Variants in CCNH observed in about 807,000 individuals in gnomAD.
CCNH encodes cyclin H, also known as cyclin-H.
In CCNH, 31 loss-of-function variants were observed where a neutral mutation model predicts 41.9. The ratio of observed to expected loss-of-function variants is 0.74; its 90% CI spans 0.56 to 1.00. CCNH has a LOEUF of 1.00. Among genes scored for constraint, CCNH ranks in the 50% least tolerant of loss-of-function variants. CCNH has a pLI of 0.00. For missense variants in CCNH, 362 were observed against 388.4 expected (o/e 0.93, Z 0.57); for synonymous variants, 138 against 136.1 (o/e 1.01, Z -0.10).
chr5:87,365,300 G>A (rs1760427684), intron 9 of CCNH, among the ~76,000 whole-genome samples: 1 of 152,070 alleles, frequency 6.6e-6, no homozygotes, highest in Non-Finnish European at 1.5e-5. Context: ...TGTATAAACT[G>A]TTCTAATTCA....
At chr5:87,353,639 G>T (rs1255265589) in intron 9 of CCNH, among the ~76,000 whole-genome samples, 1 of 152,090 alleles carries the variant, frequency 6.6e-6, no homozygotes, top group East Asian at 1.9e-4. Flanking sequence ...TTGTTTATTT[G>T]CCTGTAGTTT....
downstream of CCNH, chr5:87,374,145 A>T (rs779403478): frequency 1.5e-5 from 20 of 1,348,458 alleles, no homozygotes; most frequent in Admixed American, 5.5e-5. Context: ...ATATATATAT[A>T]TATTTTTTTT....
the CCNH span, among the ~76,000 whole-genome samples, chr5:87,312,247 T>C: frequency 1.3e-5 from 2 of 152,206 alleles, no homozygotes; most frequent in African/African-American, 2.4e-5. Context: ...TCATATACTA[T>C]GAATCAAAGC....
downstream of CCNH, chr5:87,374,817 T>G: frequency 6.2e-7 from 1 of 1,608,392 alleles, no homozygotes; most frequent in Non-Finnish European, 8.5e-7. Flanking sequence ...TTTTGTTAAT[T>G]CTTTTTCTCC....
At chr5:87,411,705 G>T (rs1764256812) in intron 1 of CCNH, among the ~76,000 whole-genome samples, 1 of 151,942 alleles carries the variant, frequency 6.6e-6, no homozygotes, top group African/African-American at 2.4e-5. Context: ...TCCAACATCC[G>T]TTTCTCGGTC....
chr5:87,333,399 A>G, intron 9 of CCNH: 2 of 1,592,844 alleles, frequency 1.3e-6, no homozygotes, highest in Non-Finnish European at 1.7e-6. Flanking sequence ...AAGATTTATT[A>G]CTCTTGGACT....
intron 9 of CCNH, among the ~76,000 whole-genome samples, chr5:87,369,466 C>G (rs17207373): frequency 0.016 from 2,399 of 152,230 alleles, 43 homozygotes; most frequent in Middle Eastern, 0.068. Context: ...AAGAACATTT[C>G]TAGTCTTTTT....
At chr5:87,407,922 G>C (rs1763917116) in intron 4 of CCNH, 54 bp downstream of exon 4, 3 of 1,336,340 alleles carry the variant, frequency 2.2e-6, no homozygotes, top group Non-Finnish European at 3.2e-6. Flanking sequence ...GGATTCTTTT[G>C]TTAAAGAATA....
In CCNH at chr5:87,409,379, A is replaced by T. The variant is rs750287852; in HGVS notation, c.241-16T>A. The T allele has an allele frequency of 2.2e-6, 3 of 1,381,440 alleles. No individual in the cohort carries two copies. The highest frequency in any genetic ancestry group is 1.8e-5 in the Admixed American group (1 of 55,484). The allele number at this position is 1,381,440 out of a possible 1,614,324, so 85.6% of individuals were successfully genotyped here. On this transcript the variant is annotated splice_polypyrimidine_tract_variant and intron_variant, in intron 2 of 8. Coordinates refer to ENST00000256897, the MANE Select transcript of CCNH (RefSeq NM_001239.4). ...AAGCCGTACCCTAAGGGTTAAAAAA[A>T]ATATATCATCAGGATCTAGTCACAA... is the stretch of plus-strand genomic sequence containing the variant.
intron 9 of CCNH, among the ~76,000 whole-genome samples, chr5:87,319,859 C>T (rs1489736876): frequency 6.6e-6 from 1 of 152,192 alleles, no homozygotes; most frequent in Non-Finnish European, 1.5e-5. Context: ...GGTGAGGCTG[C>T]AAAATTTCCA....
rs377378473 is a variant in CCNH at position 87,397,725 on chromosome 5, T to C, written c.872+1669A>G. Among the ~76,000 whole-genome samples the C allele has an allele frequency of 2.2e-4, 33 of 152,338 alleles. No homozygotes were observed. In the East Asian group the frequency reaches 3.1e-3, roughly 14 times the overall value. The stretch of plus-strand genomic sequence containing the variant: ...TGTAAGCTATGGCAGTTAAGAATTT[T>C]GGATTATGGTCCATTCAGTTACTTA... On this transcript the variant is annotated intron_variant, in intron 7 of 8. Coordinates refer to ENST00000256897, the MANE Select transcript of CCNH (RefSeq NM_001239.4).
intron 9 of CCNH, among the ~76,000 whole-genome samples, chr5:87,360,267 C>T (rs1306832168): frequency 6.6e-6 from 1 of 152,048 alleles, no homozygotes; most frequent in African/African-American, 2.4e-5. Flanking sequence ...GCTGGAATTA[C>T]AGGCACGCGC....
chr5:87,402,660 A>ACAT (rs959485368), intron 5 of CCNH, among the ~76,000 whole-genome samples: 2 of 152,154 alleles, frequency 1.3e-5, no homozygotes, highest in African/African-American at 4.8e-5. Flanking sequence ...GTTTGATATT[A>ACAT]CATCATCATC....
At chr5:87,411,433 A>G in intron 1 of CCNH, 87 bp from the exon 2 acceptor site, 1 of 1,331,926 alleles carries the variant, frequency 7.5e-7, no homozygotes, top group African/African-American at 1.5e-5. Flanking sequence ...GATTAAATTT[A>G]GTTTATATAT....
At chr5:87,379,868 C>A, upstream of CCNH, 1 of 1,608,234 alleles carries the variant, frequency 6.2e-7, no homozygotes. Flanking sequence ...GTGAAATTTT[C>A]ATTTGACAAG....
chr5:87,392,736 G>C (rs557235665), downstream of CCNH: 4 of 161,470 alleles, frequency 2.5e-5, no homozygotes, highest in African/African-American at 9.6e-5. Flanking sequence ...AACATCATTT[G>C]TCTCTCAAGT....
At chr5:87,376,850 C>G in exon 1 of CCNH, 1 of 1,558,826 alleles carries the variant, frequency 6.4e-7, no homozygotes, top group South Asian at 1.1e-5. Flanking sequence ...ATGCTACGTA[C>G]TTTAAACAAT....
rs1756740944 is a variant in CCNH at position 87,320,847 on chromosome 5, T to C, written c.*91-1950A>G. ...AAGCAAAAATTGAATGATGACTGCATTGTGAAAAGACAAGGTGAAAACAAG... is the reference window on the plus strand; with the variant it reads ...AAGCAAAAATTGAATGATGACTGCACTGTGAAAAGACAAGGTGAAAACAAG... On this transcript the variant is annotated intron_variant and NMD_transcript_variant, in intron 9 of 9. Coordinates refer to the CCNH transcript ENST00000645953. Among the ~76,000 whole-genome samples, 7 of 152,322 alleles carry C rather than the reference T, an allele frequency of 4.6e-5. No homozygotes were observed. The South Asian group carries it at 1.5e-3, about 32-fold the overall frequency.
At chr5:87,377,599 A>T (rs1339384502), upstream of CCNH, among the ~76,000 whole-genome samples, 2 of 152,114 alleles carry the variant, frequency 1.3e-5, no homozygotes, top group African/African-American at 2.4e-5. Flanking sequence ...AAGCCTCCCA[A>T]AGTGCCGGGG....
Sources: allele counts gnomAD v4.1 joint callset (sites outside exome capture counted in the v4.1 genomes callset), GRCh38; gene constraint gnomAD v4.1.1; transcripts MANE v1.5; gene names NCBI Gene and HGNC (gene_info 2026-07-23, HGNC 2026-07-21).